Variants in USP49 observed in about 807,000 individuals in gnomAD.
USP49 encodes ubiquitin carboxyl-terminal hydrolase 49.
Under a neutral mutation model 58.6 loss-of-function variants are expected in USP49, and 24 were observed. The ratio of observed to expected loss-of-function variants is 0.41; its 90% CI spans 0.30 to 0.58. The LOEUF is 0.58. USP49 is among the 20% of genes least tolerant of loss of function. The probability of loss-of-function intolerance (pLI) is 0.30; values close to 1 mark genes in which losing one functional copy is unlikely to be tolerated. For synonymous variants in USP49, 408 were observed against 365.1 expected (o/e 1.12, Z -1.34); for missense variants, 703 against 866.1 (o/e 0.81, Z 2.36).
intron 3 of USP49, among the ~76,000 whole-genome samples, chr6:41,862,838 A>C (rs1774246835): frequency 6.6e-6 from 1 of 151,310 alleles, no homozygotes; most frequent in Non-Finnish European, 1.5e-5. Flanking sequence ...CAATGGTGTG[A>C]TCTCGGCTCA....
At chr6:41,879,948 G>C (rs192994779) in intron 2 of USP49, among the ~76,000 whole-genome samples, 3 of 152,100 alleles carry the variant, frequency 2.0e-5, no homozygotes, top group African/African-American at 4.8e-5. Context: ...GCTCACTCCT[G>C]AATATGAGTA....
chr6:41,859,553 T>C (rs1774184834), intron 3 of USP49, among the ~76,000 whole-genome samples: 4 of 152,144 alleles, frequency 2.6e-5, no homozygotes, highest in South Asian at 4.1e-4. Flanking sequence ...GTGTCCCAAC[T>C]ATAACAAACC....
chr6:41,838,464 C>T (rs574701077), intron 3 of USP49, among the ~76,000 whole-genome samples: 17 of 152,176 alleles, frequency 1.1e-4, no homozygotes, highest in East Asian at 1.9e-4. Flanking sequence ...AGATATTCCC[C>T]AGAACCAGCC....
intron 3 of USP49, among the ~76,000 whole-genome samples, chr6:41,820,718 A>G (rs1251932811): frequency 2.6e-5 from 4 of 152,154 alleles, no homozygotes; most frequent in African/African-American, 9.7e-5. Context: ...AAATATTTTT[A>G]GGCCAGCATG....
chr6:41,836,508 G>C (rs1336071184), intron 3 of USP49, among the ~76,000 whole-genome samples: 1 of 152,036 alleles, frequency 6.6e-6, no homozygotes, highest in Non-Finnish European at 1.5e-5. Flanking sequence ...CGTAGTACTG[G>C]AATTCCTAAC....
intron 1 of USP49, among the ~76,000 whole-genome samples, chr6:41,893,259 A>G (rs991521030): frequency 6.6e-6 from 1 of 152,174 alleles, no homozygotes; most frequent in African/African-American, 2.4e-5. Flanking sequence ...TGAGTTACCA[A>G]CTACAGCATG....
chr6:41,796,279 T>G lies in USP49; in HGVS notation c.*254A>C. The G allele has an allele frequency of 1.1e-5, 4 of 378,902 alleles. No homozygotes were observed. Among genetic ancestry groups the G allele is most frequent in the Non-Finnish European group, 1.4e-5 (3 of 207,164 alleles). 23.5% of individuals were successfully genotyped at this position (378,902 alleles called of 1,614,324 possible). ...TTTCCTCCACCCAGATCCCTCTATATTCAGAAGCAACTGATGAAAGGATCT... is the reference window on the plus strand; with the variant it reads ...TTTCCTCCACCCAGATCCCTCTATAGTCAGAAGCAACTGATGAAAGGATCT... On this transcript the variant is annotated 3_prime_UTR_variant, in exon 8 of 8. Transcript: ENST00000682992.
At chr6:41,887,953 G>A (rs1477554922) in intron 2 of USP49, among the ~76,000 whole-genome samples, 1 of 150,646 alleles carries the variant, frequency 6.6e-6, no homozygotes, top group Non-Finnish European at 1.5e-5. Flanking sequence ...CCATGTCTCC[G>A]AAACAATAAC....
chr6:41,820,665 T>C (rs577576086), intron 3 of USP49, among the ~76,000 whole-genome samples: 102 of 152,176 alleles, frequency 6.7e-4, no homozygotes, highest in Non-Finnish European at 1.2e-3. Flanking sequence ...GAATTCATTA[T>C]ACTATTCTCT....
chr6:41,840,356 C>A (rs1337182116), intron 3 of USP49, among the ~76,000 whole-genome samples: 10 of 141,906 alleles, frequency 7.0e-5, no homozygotes, highest in Non-Finnish European at 1.2e-4. Flanking sequence ...CCTGGGCGAC[C>A]GAGCAAAACT....
intron 3 of USP49, among the ~76,000 whole-genome samples, chr6:41,870,079 G>GT (rs1198999846): frequency 2.6e-5 from 4 of 152,208 alleles, no homozygotes; most frequent in Non-Finnish European, 5.9e-5. Context: ...CTCTTGGAAT[G>GT]TATCAGAGAA....
intron 3 of USP49, among the ~76,000 whole-genome samples, chr6:41,846,580 T>A (rs1773927472): frequency 6.6e-6 from 1 of 152,164 alleles, no homozygotes; most frequent in African/African-American, 2.4e-5. Flanking sequence ...GTGTGTTTAG[T>A]GTGTTAACAA....
intron 3 of USP49, among the ~76,000 whole-genome samples, chr6:41,837,210 T>C (rs1773743397): frequency 6.6e-6 from 1 of 152,102 alleles, no homozygotes; most frequent in South Asian, 2.1e-4. Context: ...CTTCAAACTA[T>C]ACTTTAAGGC....
chr6:41,854,430 A>G (rs1774090720), intron 3 of USP49, among the ~76,000 whole-genome samples: 1 of 152,132 alleles, frequency 6.6e-6, no homozygotes, highest in Non-Finnish European at 1.5e-5. Flanking sequence ...ATCCCAAGGT[A>G]ATTTATTCTA....
intron 2 of USP49, among the ~76,000 whole-genome samples, chr6:41,883,652 T>C (rs1774655049): frequency 6.7e-6 from 1 of 148,458 alleles, no homozygotes. Flanking sequence ...ATAAATAAAA[T>C]AAAAATTAAA....
chr6:41,887,653 C>A (rs1774736911), intron 2 of USP49, among the ~76,000 whole-genome samples: 1 of 152,180 alleles, frequency 6.6e-6, no homozygotes, highest in African/African-American at 2.4e-5. Context: ...TATCCCTGAT[C>A]CTTCTGATGT....
rs752662300 is a variant in USP49 at position 41,792,741 on chromosome 6, G to C, written c.*3792C>G. On this transcript the variant is annotated 3_prime_UTR_variant, in exon 8 of 8. Transcript: ENST00000682992. ...GACATGAAATGCTTTTTAAAAGTCT[G>C]TGATACCAGATGTCCTTTAAACACT... 2.6e-5 allele frequency: 4 copies of C among 152,224 alleles called. No individual in the cohort carries two copies. Among genetic ancestry groups the C allele is most frequent in the Non-Finnish European group, 5.9e-5 (4 of 68,040 alleles). 9.4% of individuals were successfully genotyped at this position (152,224 alleles called of 1,614,324 possible). A position where few individuals can be genotyped will look rare whatever the true frequency, so the allele number is the denominator to read the frequency against.
chr6:41,836,162 AG>A (rs1290150407), intron 3 of USP49, among the ~76,000 whole-genome samples: 1 of 152,110 alleles, frequency 6.6e-6, no homozygotes, highest in Non-Finnish European at 1.5e-5. Flanking sequence ...TTGAAAAAGA[AG>A]GGGGTTTTTT....
intron 3 of USP49, among the ~76,000 whole-genome samples, chr6:41,860,653 G>A (rs958915518): frequency 4.7e-5 from 7 of 147,808 alleles, no homozygotes; most frequent in South Asian, 2.2e-4. Flanking sequence ...GACTACAGGC[G>A]TGCACCATCA....
Sources: gnomAD v4.1 joint callset for allele counts (sites outside exome capture counted in the v4.1 genomes callset) on GRCh38, gnomAD v4.1.1 for gene constraint, MANE v1.5 for transcripts, NCBI Gene and HGNC (gene_info 2026-07-23, HGNC 2026-07-21) for gene names.